Variants in ERBB4 observed in about 807,000 individuals in gnomAD.
The protein encoded by ERBB4 is erb-b2 receptor tyrosine kinase 4, also known as receptor tyrosine-protein kinase erbB-4.
Under a neutral mutation model 158.0 loss-of-function variants are expected in ERBB4, and 42 were observed. The observed-to-expected ratio is 0.27, with a 90% CI of 0.21 to 0.34. ERBB4 has a LOEUF of 0.34. ERBB4 is among the 10% of genes least tolerant of loss of function. ERBB4 has a pLI of 1.00. For missense variants in ERBB4, 1,333 were observed against 1,624.1 expected, an observed-to-expected ratio of 0.82 and a Z score of 3.08; for synonymous variants, 583 against 558.7, an observed-to-expected ratio of 1.04 and a Z score of -0.61.
At chr2:212,262,404 A>G (rs1422649813) in intron 1 of ERBB4, among the ~76,000 whole-genome samples, 1 of 152,162 alleles carries the variant, frequency 6.6e-6, no homozygotes. Context: ...CATTGTGCAT[A>G]TGAGTGGCAT....
At chr2:212,419,711 A>G (rs1236491374) in intron 1 of ERBB4, among the ~76,000 whole-genome samples, 3 of 151,878 alleles carry the variant, frequency 2.0e-5, no homozygotes, top group African/African-American at 7.2e-5. Flanking sequence ...AATGAAATGT[A>G]TTTCATTGGC....
At chr2:212,225,495 T>A (rs4350692) in intron 1 of ERBB4, among the ~76,000 whole-genome samples, 7,572 of 151,806 alleles carry the variant, frequency 0.05, 595 homozygotes, top group African/African-American at 0.17. Context: ...AAAATAAGTT[T>A]GAATCATTTT....
At chr2:211,465,284 G>A (rs1443658615) in intron 20 of ERBB4, among the ~76,000 whole-genome samples, 6 of 150,746 alleles carry the variant, frequency 4.0e-5, no homozygotes, top group African/African-American at 1.5e-4. Flanking sequence ...AATGCATGAG[G>A]AAGATCAGAC....
At chr2:212,168,613 C>T (rs995663752) in intron 1 of ERBB4, among the ~76,000 whole-genome samples, 60 of 152,038 alleles carry the variant, frequency 3.9e-4, no homozygotes, top group Admixed American at 5.9e-4. Flanking sequence ...GGAAAATTAA[C>T]GCAATAGATG....
intron 4 of ERBB4, among the ~76,000 whole-genome samples, chr2:211,753,816 C>T (rs893772822): frequency 2.0e-5 from 3 of 148,204 alleles, no homozygotes; most frequent in Non-Finnish European, 4.5e-5. Flanking sequence ...TTCTTCCTGC[C>T]CTCTCTTCTC....
At chr2:211,387,246 C>A (rs2062705955) in intron 26 of ERBB4, 96 bp from the exon 27 acceptor site, 2 of 1,024,304 alleles carry the variant, frequency 2.0e-6, no homozygotes, top group East Asian at 4.7e-5. Context: ...GCCAGTCTTT[C>A]AGAGAATAGT....
chr2:212,381,861 ATC>A (rs1467957832), intron 1 of ERBB4, among the ~76,000 whole-genome samples: 2 of 151,364 alleles, frequency 1.3e-5, no homozygotes, highest in Admixed American at 1.3e-4. Context: ...CCTACATTAA[ATC>A]TGTTTTTATA....
At chr2:212,407,563 A>T (rs960159776) in intron 1 of ERBB4, among the ~76,000 whole-genome samples, 1 of 152,142 alleles carries the variant, frequency 6.6e-6, no homozygotes, top group African/African-American at 2.4e-5. Flanking sequence ...TCATATGTAT[A>T]TATATGTATT....
intron 4 of ERBB4, among the ~76,000 whole-genome samples, chr2:211,759,131 T>C (rs2075350192): frequency 6.6e-6 from 1 of 152,206 alleles, no homozygotes; most frequent in African/African-American, 2.4e-5. Flanking sequence ...TCCTCAGCTC[T>C]GTTTTCTTTC....
At chr2:212,535,117 A>G (rs953512168) in intron 1 of ERBB4, among the ~76,000 whole-genome samples, 1 of 152,188 alleles carries the variant, frequency 6.6e-6, no homozygotes, top group Non-Finnish European at 1.5e-5. Context: ...ATATAACTGG[A>G]GTCATTTCAT....
chr2:212,396,684 T>C (rs1451153468), intron 1 of ERBB4, among the ~76,000 whole-genome samples: 2 of 152,188 alleles, frequency 1.3e-5, no homozygotes, highest in African/African-American at 4.8e-5. Flanking sequence ...TGGTTCACAA[T>C]ACCTACTTAA....
At chr2:211,772,846 T>TATATATATATATATATATACAC (rs2075736139) in intron 4 of ERBB4, among the ~76,000 whole-genome samples, 1 of 60,834 alleles carries the variant, frequency 1.6e-5, no homozygotes, top group African/African-American at 7.2e-5. Flanking sequence ...CACATATATA[T>TATATATATATATATATATACAC]ATATATATAT....
At chr2:212,167,760 A>G (rs1575736708) in intron 1 of ERBB4, among the ~76,000 whole-genome samples, 1 of 152,318 alleles carries the variant, frequency 6.6e-6, no homozygotes, top group South Asian at 2.1e-4. Flanking sequence ...CTATGCAGCC[A>G]TAAAAAAGAT....
chr2:211,963,510 A>C (rs1237851592), intron 2 of ERBB4, among the ~76,000 whole-genome samples: 2 of 152,116 alleles, frequency 1.3e-5, no homozygotes, highest in Non-Finnish European at 2.9e-5. Context: ...TTCTTGTATT[A>C]ATATATATTT....
At chr2:212,234,033 C>T (rs954696550) in intron 1 of ERBB4, among the ~76,000 whole-genome samples, 9 of 150,874 alleles carry the variant, frequency 6.0e-5, no homozygotes, top group East Asian at 5.9e-4. Flanking sequence ...ATGTGCAGAA[C>T]GCACAGGTTT....
chr2:212,149,904 C>G (rs1410577736), intron 1 of ERBB4, among the ~76,000 whole-genome samples: 2 of 152,112 alleles, frequency 1.3e-5, no homozygotes, highest in Non-Finnish European at 2.9e-5. Flanking sequence ...AAGTCATAGA[C>G]TATAAACCCC....
chr2:211,922,396 A>G (rs950737961), intron 3 of ERBB4, among the ~76,000 whole-genome samples: 2 of 152,184 alleles, frequency 1.3e-5, no homozygotes, highest in East Asian at 1.9e-4. Flanking sequence ...CTGAATATGT[A>G]GGAAAAAAGT....
intron 3 of ERBB4, among the ~76,000 whole-genome samples, chr2:211,848,916 T>A (rs2077654348): frequency 6.6e-6 from 1 of 152,106 alleles, no homozygotes; most frequent in African/African-American, 2.4e-5. Flanking sequence ...TTCTTCATGG[T>A]ACATAAATTT....
chr2:212,084,681 T>A (rs1385333292), intron 2 of ERBB4, among the ~76,000 whole-genome samples: 1 of 151,998 alleles, frequency 6.6e-6, no homozygotes, highest in Non-Finnish European at 1.5e-5. Context: ...CAAGACATAT[T>A]GGTGTGGTCA....
Sources: gnomAD v4.1 joint callset for allele counts (sites outside exome capture counted in the v4.1 genomes callset) on GRCh38, gnomAD v4.1.1 for gene constraint, MANE v1.5 for transcripts, NCBI Gene and HGNC (gene_info 2026-07-23, HGNC 2026-07-21) for gene names.